Variants in GNA12 observed in about 807,000 individuals in gnomAD.
GNA12 encodes G protein subunit alpha 12, also known as guanine nucleotide-binding protein subunit alpha-12.
GNA12 carries 9 observed loss-of-function variants against 26.0 expected under a neutral mutation model. The observed-to-expected ratio is 0.35, with a 90% confidence interval of 0.21 to 0.60. The LOEUF (loss-of-function observed/expected upper bound fraction) is 0.60. Ranked by LOEUF, GNA12 falls within the 20% of genes least tolerant of loss-of-function variation. GNA12 has a pLI of 0.78. For missense variants in GNA12, 405 were observed against 525.8 expected, an observed-to-expected ratio of 0.77 and a Z score of 2.25; for synonymous variants, 264 against 219.6, an observed-to-expected ratio of 1.20 and a Z score of -1.79.
intron 1 of GNA12, among the ~76,000 whole-genome samples, chr7:2,802,080 A>T (rs1016609857): frequency 6.6e-6 from 1 of 152,158 alleles, no homozygotes; most frequent in Non-Finnish European, 1.5e-5. Context: ...AAGCCAAGAA[A>T]ATCCTAAAAC....
At chr7:2,831,124 T>A (rs938276450) in intron 1 of GNA12, among the ~76,000 whole-genome samples, 3 of 151,986 alleles carry the variant, frequency 2.0e-5, no homozygotes, top group Non-Finnish European at 2.9e-5. Context: ...TCATGAGGCA[T>A]CTGCTTTAAC....
At chr7:2,780,996 C>G (rs78855466) in intron 2 of GNA12, among the ~76,000 whole-genome samples, 1 of 152,216 alleles carries the variant, frequency 6.6e-6, no homozygotes, top group African/African-American at 2.4e-5. Context: ...TTCCTGTCAT[C>G]CCACATCCTT....
At chr7:2,792,642 A>G (rs1792548836) in intron 2 of GNA12, among the ~76,000 whole-genome samples, 1 of 152,242 alleles carries the variant, frequency 6.6e-6, no homozygotes, top group Non-Finnish European at 1.5e-5. Flanking sequence ...TCACATTGAG[A>G]TACTGACATG....
chr7:2,840,967 A>T (rs980070807), intron 1 of GNA12, among the ~76,000 whole-genome samples: 2 of 152,366 alleles, frequency 1.3e-5, no homozygotes, highest in Non-Finnish European at 2.9e-5. Flanking sequence ...AAATTGAAAG[A>T]TGAATTTCTA....
chr7:2,788,300 A>G (rs978450325), intron 2 of GNA12, among the ~76,000 whole-genome samples: 1 of 152,150 alleles, frequency 6.6e-6, no homozygotes, highest in Non-Finnish European at 1.5e-5. Context: ...TCCACGCCGC[A>G]CAGCCTGCCT....
intron 2 of GNA12, among the ~76,000 whole-genome samples, chr7:2,747,863 C>T (rs1305229139): frequency 1.3e-5 from 2 of 152,120 alleles, no homozygotes; most frequent in Non-Finnish European, 2.9e-5. Context: ...TTCTTATACA[C>T]CAATAACAGA....
intron 2 of GNA12, chr7:2,762,617 A>G (rs766245190): frequency 3.7e-5 from 58 of 1,551,236 alleles, no homozygotes; most frequent in Admixed American, 2.8e-4. Flanking sequence ...CCCCTTCCGG[A>G]TAAGACCCCA....
At chr7:2,790,925 G>A (rs1792501466) in intron 2 of GNA12, among the ~76,000 whole-genome samples, 1 of 150,730 alleles carries the variant, frequency 6.6e-6, no homozygotes, top group Non-Finnish European at 1.5e-5. Context: ...AGTGAGCTAT[G>A]ACCACACTAG....
intron 1 of GNA12, among the ~76,000 whole-genome samples, chr7:2,843,575 A>C (rs1036692611): frequency 6.6e-6 from 1 of 151,886 alleles, no homozygotes; most frequent in Admixed American, 6.6e-5. Flanking sequence ...TGAGCCTGGG[A>C]GGTCGAGGCT....
intron 2 of GNA12, among the ~76,000 whole-genome samples, chr7:2,736,866 C>T (rs1033688668): frequency 1.3e-5 from 2 of 152,256 alleles, no homozygotes; most frequent in African/African-American, 4.8e-5. Flanking sequence ...TGGCCTCACG[C>T]ACTTCCTTCA....
chr7:2,755,852 A>T (rs1417140635), intron 2 of GNA12, among the ~76,000 whole-genome samples: 2 of 152,242 alleles, frequency 1.3e-5, no homozygotes, highest in East Asian at 3.8e-4. Context: ...GAGTTATGTC[A>T]TATTCATGAA....
chr7:2,770,106 T>A (rs574876493), intron 2 of GNA12, among the ~76,000 whole-genome samples: 2 of 152,236 alleles, frequency 1.3e-5, no homozygotes, highest in East Asian at 3.9e-4. Context: ...ATAAAATATA[T>A]CCTCAACATT....
At chr7:2,836,386 T>C (rs1318825439) in intron 1 of GNA12, among the ~76,000 whole-genome samples, 2 of 152,106 alleles carry the variant, frequency 1.3e-5, no homozygotes, top group Non-Finnish European at 2.9e-5. Context: ...AGAAAGCAGG[T>C]GGAAAGAAGG....
intron 2 of GNA12, among the ~76,000 whole-genome samples, chr7:2,790,112 G>C (rs1237853643): frequency 1.3e-5 from 2 of 152,134 alleles, no homozygotes; most frequent in Non-Finnish European, 2.9e-5. Context: ...TGCTCCCTCT[G>C]CCACCTCACT....
chr7:2,772,580 G>T (rs904778295), intron 2 of GNA12, among the ~76,000 whole-genome samples: 2 of 151,352 alleles, frequency 1.3e-5, no homozygotes, highest in African/African-American at 4.9e-5. Context: ...AAAGAAAAAG[G>T]TGCCAAACTT....
intron 1 of GNA12, among the ~76,000 whole-genome samples, chr7:2,808,409 T>C (rs1487939328): frequency 6.6e-6 from 1 of 152,246 alleles, no homozygotes; most frequent in Non-Finnish European, 1.5e-5. Flanking sequence ...GACTGTGGCC[T>C]TGGAGGCTGT....
chr7:2,762,622 A>G, intron 2 of GNA12: 4 of 1,554,726 alleles, frequency 2.6e-6, no homozygotes, highest in Non-Finnish European at 3.5e-6. Flanking sequence ...TCCGGATAAG[A>G]CCCCAATGCC....
chr7:2,733,835 G>C (rs1436131184), intron 2 of GNA12, among the ~76,000 whole-genome samples: 1 of 152,224 alleles, frequency 6.6e-6, no homozygotes, highest in South Asian at 2.1e-4. Flanking sequence ...TCCTGGCCAT[G>C]CGGCCAGCAA....
At chr7:2,795,772 C>T (rs1352382619) in intron 1 of GNA12, among the ~76,000 whole-genome samples, 2 of 150,854 alleles carry the variant, frequency 1.3e-5, no homozygotes, top group Non-Finnish European at 3.0e-5. Flanking sequence ...GCAACAATTT[C>T]AGAAAATTTC....
Sources: gnomAD v4.1 joint callset for allele counts (sites outside exome capture counted in the v4.1 genomes callset) on GRCh38, gnomAD v4.1.1 for gene constraint, MANE v1.5 for transcripts, NCBI Gene and HGNC (gene_info 2026-07-23, HGNC 2026-07-21) for gene names.